PPFIBP1: variants seen among roughly 807,000 people sequenced by gnomAD.
PPFIBP1 encodes liprin-beta-1.
PPFIBP1 carries 112 observed loss-of-function variants against 137.8 expected under a neutral mutation model. The ratio of observed to expected loss-of-function variants is 0.81; its 90% CI spans 0.70 to 0.95. The LOEUF (loss-of-function observed/expected upper bound fraction) is 0.95. PPFIBP1 is among the 40% of genes least tolerant of loss of function. The pLI is 0.00. For synonymous variants in PPFIBP1, 378 were observed against 417.3 expected (o/e 0.91, Z 1.15); for missense variants, 1,083 against 1,196.6 (o/e 0.91, Z 1.40).
At chr12:27,595,902 T>C (rs865883539) in intron 2 of PPFIBP1, among the ~76,000 whole-genome samples, 2 of 133,894 alleles carry the variant, frequency 1.5e-5, no homozygotes, top group Non-Finnish European at 3.3e-5. Context: ...TATATATATA[T>C]ATATATATAT....
At chr12:27,532,437 G>A (rs1944512555) in intron 1 of PPFIBP1, among the ~76,000 whole-genome samples, 1 of 151,300 alleles carries the variant, frequency 6.6e-6, no homozygotes, top group African/African-American at 2.4e-5. Flanking sequence ...GCTTATGGGA[G>A]TTGGGATGAA....
At chr12:27,640,394 C>T (rs762702844) in intron 4 of PPFIBP1, among the ~76,000 whole-genome samples, 37 of 152,172 alleles carry the variant, frequency 2.4e-4, no homozygotes, top group Non-Finnish European at 4.1e-4. Context: ...ACATTGCTGG[C>T]TTTCAACAAA....
At chr12:27,563,931 G>C (rs374812258) in intron 1 of PPFIBP1, among the ~76,000 whole-genome samples, 288 of 150,048 alleles carry the variant, frequency 1.9e-3, no homozygotes, top group African/African-American at 6.7e-3. Context: ...GGAGTGCAAT[G>C]GTGCGATCTT....
At chr12:27,631,936 A>T (rs934210183) in intron 2 of PPFIBP1, among the ~76,000 whole-genome samples, 5 of 152,192 alleles carry the variant, frequency 3.3e-5, no homozygotes, top group African/African-American at 1.2e-4. Context: ...GTTATTAAAT[A>T]TGTGTCCTGC....
At chr12:27,565,673 C>T (rs971970974) in intron 1 of PPFIBP1, among the ~76,000 whole-genome samples, 4 of 152,168 alleles carry the variant, frequency 2.6e-5, no homozygotes, top group South Asian at 2.1e-4. Context: ...GTCTTTTCTT[C>T]GTTCTTTCAT....
intron 2 of PPFIBP1, among the ~76,000 whole-genome samples, chr12:27,624,326 A>G (rs1043791207): frequency 1.3e-5 from 2 of 152,240 alleles, no homozygotes; most frequent in African/African-American, 4.8e-5. Context: ...TAGTCATAAC[A>G]ATAGCTAGTA....
chr12:27,652,685 T>G (rs868248160), intron 7 of PPFIBP1, among the ~76,000 whole-genome samples: 13 of 152,258 alleles, frequency 8.5e-5, no homozygotes, highest in Middle Eastern at 6.8e-3. Context: ...TTTTTTTCAG[T>G]GGTTTCTTCT....
intron 2 of PPFIBP1, among the ~76,000 whole-genome samples, chr12:27,587,605 A>C (rs2051931663): frequency 7.1e-6 from 1 of 140,096 alleles, no homozygotes; most frequent in Admixed American, 7.8e-5. Flanking sequence ...CCTCGGGGAC[A>C]GAGCAAGACT....
chr12:27,588,895 C>G (rs1448803623), intron 2 of PPFIBP1, among the ~76,000 whole-genome samples: 1 of 152,210 alleles, frequency 6.6e-6, no homozygotes, highest in Non-Finnish European at 1.5e-5. Context: ...TGTCTTGGTA[C>G]TTCTTGATCT....
chr12:27,627,040 A>T (rs1001204621), intron 2 of PPFIBP1, among the ~76,000 whole-genome samples: 46 of 152,338 alleles, frequency 3.0e-4, no homozygotes, highest in African/African-American at 1.1e-3. Context: ...GGCATACATC[A>T]CATAATAATC....
At chr12:27,543,600 T>G (rs1945891837) in intron 1 of PPFIBP1, among the ~76,000 whole-genome samples, 1 of 152,120 alleles carries the variant, frequency 6.6e-6, no homozygotes, top group South Asian at 2.1e-4. Flanking sequence ...TAAATTAGAG[T>G]TTTAATATAA....
chr12:27,670,289 A>G (rs1037459956), intron 13 of PPFIBP1, among the ~76,000 whole-genome samples: 29 of 152,222 alleles, frequency 1.9e-4, no homozygotes, highest in Non-Finnish European at 8.8e-5. Flanking sequence ...TATGCATTTT[A>G]TATGTTGCTG....
At chr12:27,658,919 T>C (rs1232733810) in intron 10 of PPFIBP1, 71 bp downstream of exon 10, 1 of 1,453,748 alleles carries the variant, frequency 6.9e-7, no homozygotes, top group Non-Finnish European at 9.5e-7. Context: ...TCTTTGCATG[T>C]GTTTTAAAAC....
intron 2 of PPFIBP1, among the ~76,000 whole-genome samples, chr12:27,627,828 C>T (rs1054097012): frequency 1.1e-4 from 13 of 114,424 alleles, no homozygotes; most frequent in African/African-American, 4.4e-4. Flanking sequence ...CCCCCCGCCC[C>T]GGTTTAGTCT....
chr12:27,688,418 C>T lies in PPFIBP1; in HGVS notation c.2491C>T (p.Leu831Phe). ...CAGAGGCAGTGGTGTCCATGGTGGG[C>T]TCATGGTAAAGCTCTGATTTAATTT... ...NLRGSGVHGG[L>F]MVLEPRFNVE... Residue 831 changes from leucine to phenylalanine, a missense_variant, in exon 26 of 30, where the codon CTC (leucine) becomes TTC (phenylalanine). Transcript: ENST00000228425. 1 of 1,613,860 alleles carries T rather than the reference C, an allele frequency of 6.2e-7. No individual in the cohort carries two copies. Among genetic ancestry groups the T allele is most frequent in the Non-Finnish European group, 8.5e-7 (1 of 1,179,910 alleles).
intron 1 of PPFIBP1, among the ~76,000 whole-genome samples, chr12:27,542,939 T>C (rs978686990): frequency 6.6e-5 from 10 of 152,244 alleles, no homozygotes; most frequent in African/African-American, 2.4e-4. Flanking sequence ...GTTACTTGCC[T>C]AGGCTTCATA....
intron 2 of PPFIBP1, among the ~76,000 whole-genome samples, chr12:27,589,404 C>G (rs1275442284): frequency 1.3e-5 from 2 of 152,156 alleles, no homozygotes; most frequent in Non-Finnish European, 2.9e-5. Flanking sequence ...CTCGGCCTTC[C>G]AAAGTGCTGA....
chr12:27,571,684 T>C (rs749610746), intron 1 of PPFIBP1, among the ~76,000 whole-genome samples: 7 of 152,232 alleles, frequency 4.6e-5, no homozygotes, highest in Non-Finnish European at 7.3e-5. Context: ...TCTACCGACA[T>C]GATAAAGTGT....
chr12:27,551,258 G>GGTCT (rs1163779501), intron 1 of PPFIBP1, among the ~76,000 whole-genome samples: 1 of 152,044 alleles, frequency 6.6e-6, no homozygotes, highest in African/African-American at 2.4e-5. Context: ...GCCTTGTGGG[G>GGTCT]GTCTGCAGGC....
Sources: allele counts gnomAD v4.1 joint callset (sites outside exome capture counted in the v4.1 genomes callset), GRCh38; gene constraint gnomAD v4.1.1; transcripts MANE v1.5; gene names NCBI Gene and HGNC (gene_info 2026-07-23, HGNC 2026-07-21).